The following ABCB8 variants were observed in gnomAD, a reference collection of about 807,000 sequenced individuals.
ABCB8 encodes the protein mitochondrial potassium channel ATP-binding subunit.
In ABCB8, 52 loss-of-function variants were observed where a neutral mutation model predicts 73.0. The ratio of observed to expected loss-of-function variants is 0.71; its 90% CI spans 0.57 to 0.90. The LOEUF (loss-of-function observed/expected upper bound fraction) is 0.90, where lower values mean the gene tolerates loss of function less well. ABCB8 is among the 40% of genes least tolerant of loss of function. The pLI is 0.00. For missense variants in ABCB8, 909 were observed against 974.6 expected, an observed-to-expected ratio of 0.93 and a Z score of 0.90; for synonymous variants, 428 against 423.5, an observed-to-expected ratio of 1.01 and a Z score of -0.13.
intron 9 of ABCB8, 117 bp from the exon 10 acceptor site, chr7:151,040,151 C>G: frequency 8.2e-7 from 1 of 1,214,198 alleles, no homozygotes; most frequent in East Asian, 2.3e-5. Flanking sequence ...GGAGCAGTCT[C>G]TGCATTTGGC....
At chr7:151,041,348 G>A in intron 13 of ABCB8, 116 bp downstream of exon 13, 1 of 1,358,100 alleles carries the variant, frequency 7.4e-7, no homozygotes. Context: ...GCTGCTCTCG[G>A]GAGACCCTGG....
chr7:151,044,178 G>T lies in ABCB8; in HGVS notation c.1973G>T (p.Gly658Val). Residue 658 changes from glycine to valine, a missense_variant, in exon 15 of 16, where the codon GGG becomes GTG. Gly to Val is a moderately radical substitution (Grantham distance 109). Coordinates refer to ENST00000358849, the MANE Select transcript of ABCB8 (RefSeq NM_007188.5). ...VIAHRLSTVR[G>V]AHCIVVMADG... ...GCCCACCGGCTCAGCACTGTCCGTGGGGCCCACTGCATTGTCGTCATGGCC... is the reference window on the plus strand; with the variant it reads ...GCCCACCGGCTCAGCACTGTCCGTGTGGCCCACTGCATTGTCGTCATGGCC... The T allele has an allele frequency of 6.2e-7, 1 of 1,609,460 alleles. No homozygotes were observed. Among genetic ancestry groups the T allele is most frequent in the Non-Finnish European group, 8.5e-7 (1 of 1,176,146 alleles).
intron 11 of ABCB8, 82 bp downstream of exon 11, chr7:151,040,716 A>G: frequency 6.2e-7 from 1 of 1,600,792 alleles, no homozygotes. Flanking sequence ...GGTCTGGACT[A>G]ATGTCCCCCA....
intron 9 of ABCB8, 34 bp from the exon 10 acceptor site, chr7:151,040,234 C>T (rs765266787): frequency 3.1e-6 from 5 of 1,608,042 alleles, no homozygotes; most frequent in Non-Finnish European, 4.2e-6. Flanking sequence ...TTCTTGTTCC[C>T]ATCTATTCCA....
Position 151,032,840 on chromosome 7 carries a change from T to C in ABCB8, c.96-765T>C, listed in dbSNP as rs1377211865. The C allele has an allele frequency of 8.8e-6, 3 of 342,014 alleles. No homozygotes were observed. In the East Asian group the frequency reaches 2.3e-4, roughly 26 times the overall value. The allele number at this position is 342,014 out of a possible 1,614,324, so 21.2% of individuals were successfully genotyped here. ...TTCTTATTTTTCTCTGTTTCCTCCT[T>C]CAGCTGTGGAGAGGGAGTGTGTGTC... On this transcript the variant is annotated intron_variant, in intron 1 of 15. Coordinates refer to ENST00000358849, the MANE Select transcript of ABCB8 (RefSeq NM_007188.5).
intron 15 of ABCB8, 83 bp downstream of exon 15, chr7:151,044,304 G>T: frequency 6.5e-7 from 1 of 1,545,310 alleles, no homozygotes; most frequent in South Asian, 1.2e-5. Context: ...TGAGTTATAT[G>T]AAGTTGTGGC....
chr7:151,040,246 C>T (rs778220794), intron 9 of ABCB8, 22 bp from the exon 10 acceptor site: 71 of 1,610,112 alleles, frequency 4.4e-5, no homozygotes, highest in Middle Eastern at 1.6e-4. Flanking sequence ...TCTATTCCAC[C>T]CCTCTCTCCT....
At chr7:151,029,051 C>T in intron 1 of ABCB8, 1 of 1,112,994 alleles carries the variant, frequency 9.0e-7, no homozygotes, top group Non-Finnish European at 1.1e-6. Flanking sequence ...AGGCCGGGCG[C>T]GGTGGCTCGC....
In ABCB8 at chr7:151,036,101, C is replaced by G. The variant is rs777044789; in HGVS notation, c.1042C>G (p.Arg348Gly). The G allele has an allele frequency of 1.2e-6, 2 of 1,613,420 alleles. No homozygotes were observed. Among genetic ancestry groups the G allele is most frequent in the Non-Finnish European group, 1.7e-6 (2 of 1,179,990 alleles). The stretch of plus-strand genomic sequence containing the variant: ...CTATGGGGCAGAGCTGGAAGCCTGC[C>G]GCTGCCGGGCAGAGGAGCTGGGCCG... ...ERYGAELEACRCRAEELGRGI... is the reference protein window; with the variant it reads ...ERYGAELEACGCRAEELGRGI... Residue 348 changes from arginine to glycine, a missense_variant, in exon 8 of 16, where the codon CGC (arginine) becomes GGC (glycine). By Grantham distance (125) the Arg-to-Gly change is moderately radical (BLOSUM62 -2). Transcript: ENST00000358849.
At chr7:151,029,656 A>G (rs1432261529) in intron 1 of ABCB8, 5 of 151,914 alleles carry the variant, frequency 3.3e-5, no homozygotes, top group Admixed American at 3.3e-4. Context: ...ACAGATGTGC[A>G]CCACACCCGG....
At chr7:151,036,220 G>A in intron 8 of ABCB8, 50 bp downstream of exon 8, 1 of 1,531,138 alleles carries the variant, frequency 6.5e-7, no homozygotes. Context: ...CTGGGGAGGA[G>A]CTGGGAGCAG....
chr7:151,035,790 CT>C, intron 6 of ABCB8, 48 bp downstream of exon 6: 1 of 1,610,232 alleles, frequency 6.2e-7, no homozygotes. Context: ...CACCGTTTCT[CT>C]TTCCACTCCC....
At chr7:151,030,375 C>T (rs938376428) in intron 1 of ABCB8, among the ~76,000 whole-genome samples, 2 of 151,770 alleles carry the variant, frequency 1.3e-5, no homozygotes, top group Non-Finnish European at 2.9e-5. Context: ...ATTAGCCAGG[C>T]GTGGTTGCAC....
intron 9 of ABCB8, 46 bp downstream of exon 9, chr7:151,036,695 C>G: frequency 1.3e-6 from 2 of 1,499,068 alleles, no homozygotes; most frequent in Non-Finnish European, 9.2e-7. Flanking sequence ...CTGCCGCCCT[C>G]CAGAGCCCTG....
chr7:151,031,987 C>T (rs1394856843), intron 1 of ABCB8, among the ~76,000 whole-genome samples: 2 of 152,180 alleles, frequency 1.3e-5, no homozygotes, highest in Non-Finnish European at 2.9e-5. Context: ...CCTTATTGCC[C>T]CCCAAGTCCA....
At position 151,034,407 on chromosome 7, in the gene ABCB8, G is replaced by C; in HGVS notation, c.543G>C (p.Leu181=). The change falls in exon 3 of 16, where the codon CTG becomes CTC. Residue 181 remains leucine (L), a synonymous_variant. Transcript: ENST00000358849. ...AGTCCCAGAATCTCAGCACCCACCTGCTTATCCTCTATGGTGTCCAGGTAC... is the reference window on the plus strand; with the variant it reads ...AGTCCCAGAATCTCAGCACCCACCTCCTTATCCTCTATGGTGTCCAGGTAC... ...MTESQNLSTH[L]LILYGVQGLL... is the part of the protein sequence containing the mutation. The C allele has an allele frequency of 6.2e-7, 1 of 1,614,014 alleles. No individual in the cohort carries two copies. The highest frequency in any genetic ancestry group is 8.5e-7 in the Non-Finnish European group (1 of 1,180,004).
At position 151,033,709 on chromosome 7, in the gene ABCB8, G is replaced by A. The variant is rs1370589995; in HGVS notation, c.200G>A (p.Ser67Asn). ...LPRAPLAPRW[S>N]PSAWCWVGGA... Reference sequence around the variant, plus strand: ...CGAGCCCCCCTAGCTCCCAGATGGAGCCCCTCTGCCTGGTGCTGGGTTGGG... The same window carrying A: ...CGAGCCCCCCTAGCTCCCAGATGGAACCCCTCTGCCTGGTGCTGGGTTGGG... The change falls in exon 2 of 16, where the codon AGC becomes AAC. Residue 67 changes from serine (S) to asparagine (N), a missense_variant. Transcript: ENST00000358849. 6.2e-7 allele frequency: 1 copy of A among 1,613,748 alleles called. No individual in the cohort carries two copies. The highest frequency in any genetic ancestry group is 1.1e-5 in the South Asian group (1 of 91,060).
rs140491058 is a variant in ABCB8 at position 151,041,705 on chromosome 7, G to A, written c.1618-256G>A. On this transcript the variant is annotated intron_variant, in intron 13 of 15. Coordinates refer to ENST00000358849, the MANE Select transcript of ABCB8 (RefSeq NM_007188.5). ...CAAATGCAAGCCCCCAACTCCCAGCGCCCTGCCCTGCCAGCTCCTCCCACT... is the reference window on the plus strand; with the variant it reads ...CAAATGCAAGCCCCCAACTCCCAGCACCCTGCCCTGCCAGCTCCTCCCACT... Among the ~76,000 whole-genome samples the A allele has an allele frequency of 3.4e-3, 523 of 152,262 alleles. 2 individuals carry two copies. The highest frequency in any genetic ancestry group is 0.012 in the African/African-American group (505 of 41,544).
At chr7:151,036,506 C>A in intron 8 of ABCB8, 38 bp from the exon 9 acceptor site, 1 of 1,562,480 alleles carries the variant, frequency 6.4e-7, no homozygotes, top group Non-Finnish European at 8.8e-7. Flanking sequence ...GTTTCCTCTG[C>A]CCTGGCTTCG....
Sources: gnomAD v4.1 joint callset for allele counts (sites outside exome capture counted in the v4.1 genomes callset) on GRCh38, gnomAD v4.1.1 for gene constraint, MANE v1.5 for transcripts, NCBI Gene and HGNC (gene_info 2026-07-23, HGNC 2026-07-21) for gene names.